The following CARMIL1 variants were observed in gnomAD, a reference collection of about 807,000 sequenced individuals.
CARMIL1 encodes capping protein regulator and myosin 1 linker 1, also known as F-actin-uncapping protein LRRC16A.
A neutral mutation model predicts 177.1 loss-of-function variants in CARMIL1; 90 were observed. The ratio of observed to expected loss-of-function variants is 0.51; its 90% CI spans 0.43 to 0.61. The LOEUF (loss-of-function observed/expected upper bound fraction) is 0.61. Among genes scored for constraint, CARMIL1 ranks in the 20% least tolerant of loss-of-function variants. The pLI is 0.00. For missense variants in CARMIL1, 1,380 were observed against 1,667.0 expected (o/e 0.83, Z 3.00); for synonymous variants, 577 against 606.2 (o/e 0.95, Z 0.71).
intron 2 of CARMIL1, among the ~76,000 whole-genome samples, chr6:25,354,658 GA>G (rs66663337): frequency 0.08 from 12,169 of 152,158 alleles, 722 homozygotes; most frequent in East Asian, 0.27. Flanking sequence ...GAAGTGAAAA[GA>G]TAAAAAATGT....
chr6:25,531,834 A>G (rs1807788868), intron 24 of CARMIL1, among the ~76,000 whole-genome samples: 1 of 152,130 alleles, frequency 6.6e-6, no homozygotes, highest in Admixed American at 6.5e-5. Context: ...GCAGTGGCGC[A>G]ATCTCGGCTT....
chr6:25,604,332 A>G (rs1815728536), intron 33 of CARMIL1, among the ~76,000 whole-genome samples: 2 of 152,156 alleles, frequency 1.3e-5, no homozygotes, highest in East Asian at 1.9e-4. Context: ...CTCCCATCTC[A>G]GTTTCCCAAA....
Position 25,515,420 on chromosome 6 carries a change from T to C in CARMIL1, c.1633-255T>C, listed in dbSNP as rs899682959. On this transcript the variant is annotated intron_variant, in intron 20 of 36. Transcript: ENST00000329474. The surrounding 1 kb of genome is among the most constrained non-coding windows in gnomAD (Gnocchi z 5.0). ...TCACGCTGGCAGTTGTCAGCCTGCA[T>C]GTCTTTCCCTGGCTTCCCTTAAAAG... is the stretch of plus-strand genomic sequence containing the variant. Among the ~76,000 whole-genome samples, 1 of 152,222 alleles carries C rather than the reference T, an allele frequency of 6.6e-6. No homozygotes were observed. Among genetic ancestry groups the C allele is most frequent in the Non-Finnish European group, 1.5e-5 (1 of 68,038 alleles).
rs558135293 is a variant in CARMIL1, at chr6:25,608,024, A to C, written c.3847+1751A>C. Among the ~76,000 whole-genome samples, 3 of 152,374 alleles carry C rather than the reference A, an allele frequency of 2.0e-5. No homozygotes were observed. The East Asian group carries it at 5.8e-4, about 29-fold the overall frequency. ...GGAGTGGAGAGAATGGAGGCAAAGA[A>C]AATAGAAAAAATTTTTAATAGAAAG... On this transcript the variant is annotated intron_variant, in intron 35 of 36. Transcript: ENST00000329474.
At chr6:25,305,020 G>C (rs1464939141) in intron 2 of CARMIL1, among the ~76,000 whole-genome samples, 3 of 152,290 alleles carry the variant, frequency 2.0e-5, no homozygotes, top group East Asian at 3.9e-4. Context: ...TTCCAGTAGA[G>C]ATATGTGAAG....
intron 36 of CARMIL1, among the ~76,000 whole-genome samples, chr6:25,615,234 A>G (rs1816805851): frequency 6.6e-6 from 1 of 152,228 alleles, no homozygotes; most frequent in Admixed American, 6.5e-5. Context: ...CTTTGTTTAC[A>G]CTAAAACAGC....
chr6:25,279,584 C>CCT lies in CARMIL1; in HGVS notation c.-212_-211insCT, dbSNP rs1215476327. The CCT allele has an allele frequency of 8.3e-6, 5 of 602,620 alleles. No homozygotes were observed. The highest frequency in any genetic ancestry group is 1.5e-5 in the Non-Finnish European group (5 of 336,526). 37.3% of individuals were successfully genotyped at this position (602,620 alleles called of 1,614,324 possible). A position where few individuals can be genotyped will look rare whatever the true frequency, so the allele number is the denominator to read the frequency against. ...GCGAGGAGGCGTCATGTAGCAGCAG[C>CCT]AGCAAATCCGCCTCGCATTTGCAAC... On this transcript the variant is annotated 5_prime_UTR_variant, in exon 1 of 37. Coordinates refer to ENST00000329474, the MANE Select transcript of CARMIL1 (RefSeq NM_017640.6).
chr6:25,455,687 T>C (rs1174121319), intron 8 of CARMIL1, among the ~76,000 whole-genome samples: 1 of 152,240 alleles, frequency 6.6e-6, no homozygotes, highest in Non-Finnish European at 1.5e-5. Context: ...CACGGTTCCA[T>C]TTGTTTCTTT....
At chr6:25,388,710 T>C (rs112140973) in intron 2 of CARMIL1, among the ~76,000 whole-genome samples, 21,966 of 151,542 alleles carry the variant, frequency 0.14, 1,803 homozygotes, top group East Asian at 0.32. Context: ...TGCTCTGTCA[T>C]CTAGGCTGGA....
chr6:25,520,887 T>C (rs1271682567), intron 23 of CARMIL1, among the ~76,000 whole-genome samples: 2 of 152,208 alleles, frequency 1.3e-5, no homozygotes, highest in Non-Finnish European at 2.9e-5. Flanking sequence ...TGGAAACCTC[T>C]GAATCATTCC....
intron 33 of CARMIL1, 111 bp from the exon 34 acceptor site, chr6:25,604,701 C>A (rs1815770621): frequency 2.5e-6 from 2 of 792,158 alleles, no homozygotes; most frequent in South Asian, 1.7e-5. Flanking sequence ...ACCATAACAG[C>A]AGCTGAGTTA....
At chr6:25,355,643 C>T (rs1788520110) in intron 2 of CARMIL1, among the ~76,000 whole-genome samples, 1 of 152,164 alleles carries the variant, frequency 6.6e-6, no homozygotes, top group Non-Finnish European at 1.5e-5. Flanking sequence ...CACTGCAACC[C>T]AGCCTGGGTG....
In CARMIL1 at chr6:25,448,058, A is replaced by G. The variant is rs192751237; in HGVS notation, c.372-1840A>G. Among the ~76,000 whole-genome samples the G allele has an allele frequency of 1.8e-4, 28 of 152,164 alleles. No homozygotes were observed. The East Asian group carries it at 5.0e-3, about 27-fold the overall frequency. On this transcript the variant is annotated intron_variant, in intron 5 of 36. Transcript: ENST00000329474. ...CACAGCTATTTAGCCCTGAACCACC[A>G]AGAATCCATGATCTTCACTCTCAGC...
intron 3 of CARMIL1, 36 bp from the exon 4 acceptor site, chr6:25,426,465 C>T: frequency 6.7e-7 from 1 of 1,495,632 alleles, no homozygotes; most frequent in Non-Finnish European, 9.3e-7. Flanking sequence ...ACCCTCATTG[C>T]AGGTCTTTTC....
intron 34 of CARMIL1, among the ~76,000 whole-genome samples, chr6:25,605,101 T>C (rs924075530): frequency 6.6e-6 from 1 of 152,224 alleles, no homozygotes; most frequent in Non-Finnish European, 1.5e-5. Flanking sequence ...GCATTGTGCC[T>C]GGACAGGGCA....
At chr6:25,516,654 A>G (rs1806031322) in intron 21 of CARMIL1, among the ~76,000 whole-genome samples, 1 of 152,208 alleles carries the variant, frequency 6.6e-6, no homozygotes, top group African/African-American at 2.4e-5. Context: ...AGACAAATAA[A>G]AGCTATTTTA....
At chr6:25,293,265 G>GGTGTGTGTGTGTGTGTGTGT (rs57127326) in intron 2 of CARMIL1, among the ~76,000 whole-genome samples, 52 of 134,386 alleles carry the variant, frequency 3.9e-4, no homozygotes, top group East Asian at 1.1e-3. Context: ...AAGGATGCTT[G>GGTGTGTGTGTGTGTGTGTGT]GTGTGTGTGT....
chr6:25,444,905 G>C (rs544840197), intron 5 of CARMIL1, among the ~76,000 whole-genome samples: 1 of 152,086 alleles, frequency 6.6e-6, no homozygotes, highest in Non-Finnish European at 1.5e-5. Context: ...GGGATTGCTG[G>C]GTCAAATGGT....
At chr6:25,403,614 T>A (rs139008903) in intron 2 of CARMIL1, among the ~76,000 whole-genome samples, 2 of 152,338 alleles carry the variant, frequency 1.3e-5, no homozygotes, top group East Asian at 3.9e-4. Context: ...TCAGGGCCTT[T>A]GCGTTTGCTA....
Sources: gnomAD v4.1 joint callset for allele counts (sites outside exome capture counted in the v4.1 genomes callset) on GRCh38, gnomAD v4.1.1 for gene constraint, Gnocchi (gnomAD v3.1) non-coding constraint, MANE v1.5 for transcripts, NCBI Gene and HGNC (gene_info 2026-07-23, HGNC 2026-07-21) for gene names.